TTC29: variants seen among roughly 807,000 people sequenced by gnomAD.
The protein encoded by TTC29 is tetratricopeptide repeat domain 29, also known as tetratricopeptide repeat protein 29.
In TTC29, 49 loss-of-function variants were observed where a neutral mutation model predicts 58.1. The observed-to-expected ratio is 0.84, with a 90% confidence interval of 0.67 to 1.07. The LOEUF is 1.07. Ranked by LOEUF, TTC29 falls within the 50% of genes least tolerant of loss-of-function variation. The probability of loss-of-function intolerance (pLI) is 0.00; values close to 1 mark genes in which losing one functional copy is unlikely to be tolerated. For missense variants in TTC29, 582 were observed against 555.6 expected, an observed-to-expected ratio of 1.05 and a Z score of -0.48; for synonymous variants, 209 against 196.8, an observed-to-expected ratio of 1.06 and a Z score of -0.52.
intron 11 of TTC29, among the ~76,000 whole-genome samples, chr4:146,711,938 G>A (rs1742524113): frequency 6.6e-6 from 1 of 152,082 alleles, no homozygotes; most frequent in African/African-American, 2.4e-5. Flanking sequence ...ACGAAGTTCT[G>A]TTTGGGGGAA....
chr4:146,918,437 T>C (rs1445367834), intron 4 of TTC29, among the ~76,000 whole-genome samples: 2 of 151,124 alleles, frequency 1.3e-5, no homozygotes, highest in Admixed American at 1.3e-4. Flanking sequence ...GTGATTATAT[T>C]TTAGAAGTTA....
chr4:146,915,096 A>G (rs1734134985), intron 4 of TTC29, among the ~76,000 whole-genome samples: 1 of 152,118 alleles, frequency 6.6e-6, no homozygotes, highest in Non-Finnish European at 1.5e-5. Context: ...AAATTAAAAA[A>G]CCTGTCTTCA....
chr4:146,784,042 A>C (rs1174235347), intron 11 of TTC29, among the ~76,000 whole-genome samples: 1 of 151,562 alleles, frequency 6.6e-6, no homozygotes, highest in Non-Finnish European at 1.5e-5. Flanking sequence ...TAGTTTTCTT[A>C]ACTGAGAAAG....
chr4:146,717,678 T>C (rs955120161), intron 11 of TTC29, among the ~76,000 whole-genome samples: 7 of 152,168 alleles, frequency 4.6e-5, no homozygotes, highest in Non-Finnish European at 1.0e-4. Flanking sequence ...ATGAATACAA[T>C]GTGAAATGGT....
chr4:146,866,022 A>G (rs1396717), intron 8 of TTC29, among the ~76,000 whole-genome samples: 54,340 of 152,004 alleles, frequency 0.36, 9,973 homozygotes, highest in South Asian at 0.43. Context: ...AATAACATAA[A>G]GGAAACATAT....
chr4:146,838,722 T>C (rs1728667299), intron 8 of TTC29, among the ~76,000 whole-genome samples: 1 of 152,026 alleles, frequency 6.6e-6, no homozygotes, highest in East Asian at 1.9e-4. Flanking sequence ...AGATCGAAAA[T>C]ACAGTATTTG....
chr4:146,944,596 AGGGTT>A (rs1437485357), intron 2 of TTC29, among the ~76,000 whole-genome samples: 1 of 152,204 alleles, frequency 6.6e-6, no homozygotes, highest in Non-Finnish European at 1.5e-5. Context: ...CAGTGTCTGC[AGGGTT>A]CAGTCACTTT....
At chr4:146,909,332 G>GCAACATGATTCAACC in intron 4 of TTC29, 83 bp from the exon 5 acceptor site, 1 of 1,071,824 alleles carries the variant, frequency 9.3e-7, no homozygotes, top group Non-Finnish European at 1.3e-6. Flanking sequence ...ATAATTAAAG[G>GCAACATGATTCAACC]TTGAATCATG....
At chr4:146,818,444 GAGA>G (rs1328198357) in intron 10 of TTC29, among the ~76,000 whole-genome samples, 2 of 152,330 alleles carry the variant, frequency 1.3e-5, no homozygotes. Flanking sequence ...ACAGGTGCTG[GAGA>G]AGATGTGGAG....
chr4:146,907,187 C>T (rs1560706277), intron 5 of TTC29, among the ~76,000 whole-genome samples: 1 of 152,224 alleles, frequency 6.6e-6, no homozygotes, highest in East Asian at 1.9e-4. Flanking sequence ...CTTATAGTAA[C>T]TTTCCTTTAA....
chr4:146,806,196 T>C (rs777362231), intron 10 of TTC29, among the ~76,000 whole-genome samples: 2 of 152,124 alleles, frequency 1.3e-5, no homozygotes, highest in African/African-American at 4.8e-5. Flanking sequence ...AGAGATTTTG[T>C]CACCAACAGG....
chr4:146,865,005 T>C (rs1730475987), intron 8 of TTC29, among the ~76,000 whole-genome samples: 1 of 152,084 alleles, frequency 6.6e-6, no homozygotes, highest in Non-Finnish European at 1.5e-5. Context: ...GATGGGGCAA[T>C]TGAGACTTAA....
chr4:146,942,394 C>A (rs1299411429), intron 2 of TTC29, among the ~76,000 whole-genome samples: 1 of 152,114 alleles, frequency 6.6e-6, no homozygotes, highest in Non-Finnish European at 1.5e-5. Context: ...AACTTCATAA[C>A]GTAATGACAA....
At chr4:146,828,502 G>A (rs1408752623) in intron 9 of TTC29, among the ~76,000 whole-genome samples, 1 of 151,896 alleles carries the variant, frequency 6.6e-6, no homozygotes, top group African/African-American at 2.4e-5. Flanking sequence ...TAATTATTTA[G>A]CTAAGATGGA....
intron 8 of TTC29, among the ~76,000 whole-genome samples, chr4:146,850,669 T>C (rs765583037): frequency 1.7e-4 from 26 of 152,224 alleles, no homozygotes; most frequent in Non-Finnish European, 3.4e-4. Flanking sequence ...ATCCTAATGA[T>C]TATCTGGCTA....
At chr4:146,740,277 C>A (rs938382610) in intron 11 of TTC29, among the ~76,000 whole-genome samples, 2 of 152,144 alleles carry the variant, frequency 1.3e-5, no homozygotes, top group Admixed American at 1.3e-4. Flanking sequence ...AGGAGAAACA[C>A]GTCCTTGTGT....
chr4:146,899,894 G>A (rs1198171484), intron 6 of TTC29, among the ~76,000 whole-genome samples: 1 of 152,120 alleles, frequency 6.6e-6, no homozygotes, highest in Non-Finnish European at 1.5e-5. Flanking sequence ...GGGCACCCCT[G>A]GAATCAGGAT....
At chr4:146,851,524 A>T (rs906053364) in intron 8 of TTC29, among the ~76,000 whole-genome samples, 3 of 152,138 alleles carry the variant, frequency 2.0e-5, no homozygotes, top group African/African-American at 7.2e-5. Flanking sequence ...AGATCTTTCA[A>T]CTGAAAATCT....
intron 5 of TTC29, 148 bp from the exon 6 acceptor site, chr4:146,903,877 A>AT: frequency 4.1e-6 from 2 of 492,806 alleles, no homozygotes; most frequent in Non-Finnish European, 6.8e-6. Context: ...GCAAAAATTA[A>AT]TTTATTTTAA....
Sources: allele counts gnomAD v4.1 joint callset (sites outside exome capture counted in the v4.1 genomes callset), GRCh38; gene constraint gnomAD v4.1.1; transcripts MANE v1.5; gene names NCBI Gene and HGNC (gene_info 2026-07-23, HGNC 2026-07-21).